Variants in YEATS4 observed in about 807,000 individuals in gnomAD.
YEATS4 encodes YEATS domain-containing protein 4.
In YEATS4, 17 loss-of-function variants were observed where a neutral mutation model predicts 30.1. That is an observed-to-expected ratio of 0.56 (90% CI 0.39 to 0.85). YEATS4 has a LOEUF of 0.85. Among genes scored for constraint, YEATS4 ranks in the 40% least tolerant of loss-of-function variants. The pLI is 0.00. For synonymous variants in YEATS4, 85 were observed against 87.5 expected (o/e 0.97, Z 0.16); for missense variants, 142 against 268.3 (o/e 0.53, Z 3.29).
At chr12:69,419,670 A>G in the YEATS4 span, among the ~76,000 whole-genome samples, 1 of 152,190 alleles carries the variant, frequency 6.6e-6, no homozygotes, top group African/African-American at 2.4e-5. Context: ...AAGGAAAGAA[A>G]GTCATGTGTT....
intron 6 of YEATS4, among the ~76,000 whole-genome samples, chr12:69,380,822 A>C (rs181522577): frequency 1.3e-5 from 2 of 152,218 alleles, no homozygotes; most frequent in Admixed American, 1.3e-4. Flanking sequence ...CAGGGGAGAC[A>C]TCACATGTCG....
chr12:69,420,126 A>G, the YEATS4 span, among the ~76,000 whole-genome samples: 2 of 152,252 alleles, frequency 1.3e-5, no homozygotes, highest in South Asian at 4.1e-4. Flanking sequence ...AAGAAAGTGG[A>G]CAAGAATCCT....
rs900864552 is a variant in YEATS4 at position 69,360,026 on chromosome 12, C to T, written c.51+3C>T. 4 of 1,613,212 alleles carry T rather than the reference C, an allele frequency of 2.5e-6. No individual in the cohort carries two copies. Among genetic ancestry groups the T allele is most frequent in the African/African-American group, 2.7e-5 (2 of 74,876 alleles). The stretch of plus-strand genomic sequence containing the variant: ...CTGACTCCGGCGGGAGAGTAAAGGT[C>T]AGTGCCCGGACCGCCCCTCTTCCGG... On this transcript the variant is annotated splice_donor_region_variant and intron_variant, in intron 1 of 6. Coordinates refer to ENST00000247843, the MANE Select transcript of YEATS4 (RefSeq NM_006530.4).
chr12:69,372,026 G>A (rs567401428), intron 6 of YEATS4, among the ~76,000 whole-genome samples: 98 of 152,300 alleles, frequency 6.4e-4, no homozygotes, highest in Non-Finnish European at 1.2e-3. Context: ...GACTAGAGTA[G>A]AGTGAACAAG....
intron 6 of YEATS4, among the ~76,000 whole-genome samples, chr12:69,375,784 C>T (rs1849020492): frequency 1.3e-5 from 2 of 152,118 alleles, no homozygotes. Flanking sequence ...CGCCTGCAAT[C>T]CCAGGCACTC....
At chr12:69,379,042 G>A (rs1466602095) in intron 6 of YEATS4, among the ~76,000 whole-genome samples, 1 of 152,132 alleles carries the variant, frequency 6.6e-6, no homozygotes, top group African/African-American at 2.4e-5. Flanking sequence ...AGGACAAAAG[G>A]CTTTTTTTCC....
At position 69,359,854 on chromosome 12, in the gene YEATS4, T is replaced by C; in HGVS notation, c.-119T>C. The C allele has an allele frequency of 7.8e-7, 1 of 1,280,166 alleles. No homozygotes were observed. Among genetic ancestry groups the C allele is most frequent in the Non-Finnish European group, 1.1e-6 (1 of 924,096 alleles). 79.3% of individuals were successfully genotyped at this position (1,280,166 alleles called of 1,614,324 possible). ...CGTGAGCCCAAGTAACTCGCCCTCC[T>C]TCGGCTAGAAACCCTCCGCCTGGGC... On this transcript the variant is annotated 5_prime_UTR_variant, in exon 1 of 7. Transcript: ENST00000247843.
At chr12:69,385,040 C>A (rs532316708) in intron 6 of YEATS4, among the ~76,000 whole-genome samples, 2 of 152,210 alleles carry the variant, frequency 1.3e-5, no homozygotes, top group Non-Finnish European at 2.9e-5. Flanking sequence ...GAGACAGGTT[C>A]TCGCTCTGTC....
At chr12:69,373,915 T>G (rs1442310427) in intron 6 of YEATS4, among the ~76,000 whole-genome samples, 1 of 152,192 alleles carries the variant, frequency 6.6e-6, no homozygotes, top group Non-Finnish European at 1.5e-5. Flanking sequence ...CTTGGCACCT[T>G]TGTCAAAAAT....
In YEATS4 at chr12:69,360,722, A is replaced by G. The variant is rs570011369; in HGVS notation, c.51+699A>G. 3.3e-3 allele frequency among the ~76,000 whole-genome samples: 503 copies of G among 150,350 alleles called. 5 individuals are homozygous for G. The highest frequency in any genetic ancestry group is 0.011 in the African/African-American group (468 of 40,922). On this transcript the variant is annotated intron_variant, in intron 1 of 6. Transcript: ENST00000247843. ...GTCTTGTTGCCCAGGCTGGAGCGCAATGGCACGATCTCGGCTCACTGCAAC... is the reference window on the plus strand; with the variant it reads ...GTCTTGTTGCCCAGGCTGGAGCGCAGTGGCACGATCTCGGCTCACTGCAAC...
chr12:69,422,872 T>G, the YEATS4 span: 3 of 152,272 alleles, frequency 2.0e-5, no homozygotes, highest in African/African-American at 7.2e-5. Context: ...CATTGTGATA[T>G]GAGTTGTGCC....
intron 2 of YEATS4, among the ~76,000 whole-genome samples, chr12:69,365,187 C>T (rs1483502915): frequency 1.3e-5 from 2 of 151,894 alleles, no homozygotes; most frequent in African/African-American, 2.4e-5. Context: ...CGGTGGCTCA[C>T]GCCTGTAATT....
chr12:69,386,219 C>T lies in YEATS4; in HGVS notation c.515-3928C>T, dbSNP rs375646853. On this transcript the variant is annotated intron_variant, in intron 6 of 6. Transcript: ENST00000247843. ...CATGTCTTCTTCCAAACATCTAGTG[C>T]CCTTCGCAGTCTTACAAGTTGTCAA... Among the ~76,000 whole-genome samples, 10 of 152,298 alleles carry T rather than the reference C, an allele frequency of 6.6e-5. No homozygotes were observed. In the South Asian group the frequency reaches 2.1e-3, roughly 32 times the overall value.
At chr12:69,362,017 T>TTTTTTTTTTTTTTTTTTG (rs1875236871) in intron 1 of YEATS4, among the ~76,000 whole-genome samples, 1 of 131,530 alleles carries the variant, frequency 7.6e-6, no homozygotes, top group African/African-American at 2.9e-5. Flanking sequence ...TTGGTTGTTT[T>TTTTTTTTTTTTTTTTTTG]TTTTTTTTTT....
the YEATS4 span, among the ~76,000 whole-genome samples, chr12:69,410,693 A>T: frequency 2.0e-5 from 3 of 152,174 alleles, no homozygotes; most frequent in Admixed American, 6.5e-5. Context: ...CCCAAGAAGA[A>T]TTTCAAGAGA....
chr12:69,361,241 A>ATATGTG (rs1875192562), intron 1 of YEATS4: 1 of 137,432 alleles, frequency 7.3e-6, no homozygotes, highest in African/African-American at 2.7e-5. Flanking sequence ...TAAAATACTT[A>ATATGTG]TGTGTGTGTG....
chr12:69,390,061 C>G, intron 6 of YEATS4, 86 bp from the exon 7 acceptor site: 1 of 1,065,208 alleles, frequency 9.4e-7, no homozygotes, highest in Non-Finnish European at 1.3e-6. Context: ...GAAACATTGT[C>G]GTCAGGAAAT....
intron 6 of YEATS4, among the ~76,000 whole-genome samples, chr12:69,387,777 G>GAACA (rs1301270948): frequency 6.6e-6 from 1 of 152,178 alleles, no homozygotes; most frequent in Non-Finnish European, 1.5e-5. Context: ...AGATATCAGA[G>GAACA]AACACAACAG....
chr12:69,405,408 C>G, the YEATS4 span, among the ~76,000 whole-genome samples: 1 of 152,202 alleles, frequency 6.6e-6, no homozygotes, highest in Non-Finnish European at 1.5e-5. Flanking sequence ...ATGATTCATT[C>G]TTACTAAAGA....
Sources: gnomAD v4.1 joint callset for allele counts (sites outside exome capture counted in the v4.1 genomes callset) on GRCh38, gnomAD v4.1.1 for gene constraint, MANE v1.5 for transcripts, NCBI Gene and HGNC (gene_info 2026-07-23, HGNC 2026-07-21) for gene names.